Variants in VLDLR observed in about 807,000 individuals in gnomAD.
The protein encoded by VLDLR is very low density lipoprotein receptor.
Under a neutral mutation model 112.7 loss-of-function variants are expected in VLDLR, and 81 were observed. The ratio of observed to expected loss-of-function variants is 0.72; its 90% CI spans 0.60 to 0.86. The LOEUF is 0.86. Ranked by LOEUF, VLDLR falls within the 40% of genes least tolerant of loss-of-function variation. The probability of loss-of-function intolerance (pLI) is 0.00; values close to 1 mark genes in which losing one functional copy is unlikely to be tolerated. For missense variants in VLDLR, 1,237 were observed against 1,099.4 expected, an observed-to-expected ratio of 1.13 and a Z score of -1.77; for synonymous variants, 436 against 384.8, an observed-to-expected ratio of 1.13 and a Z score of -1.56.
intron 9 of VLDLR, 82 bp from the exon 10 acceptor site, chr9:2,645,492 G>T: frequency 6.7e-7 from 1 of 1,491,638 alleles, no homozygotes; most frequent in Non-Finnish European, 9.3e-7. Flanking sequence ...TTTTCTAAGT[G>T]CTCCTCTGCT....
At chr9:2,623,014 G>C (rs773225017) in intron 1 of VLDLR, among the ~76,000 whole-genome samples, 2 of 152,258 alleles carry the variant, frequency 1.3e-5, no homozygotes, top group East Asian at 3.9e-4. Flanking sequence ...AACGCGGAGG[G>C]GGAGTGGAGG....
intron 12 of VLDLR, 27 bp from the exon 13 acceptor site, chr9:2,648,181 T>G (rs1563763799): frequency 3.7e-6 from 6 of 1,613,384 alleles, no homozygotes; most frequent in Non-Finnish European, 5.1e-6. Flanking sequence ...TGGCTTGTCA[T>G]GTAATGACAA....
intron 14 of VLDLR, among the ~76,000 whole-genome samples, 187 bp from the exon 15 acceptor site, chr9:2,650,183 C>G (rs948878657): frequency 6.6e-6 from 1 of 152,094 alleles, no homozygotes; most frequent in African/African-American, 2.4e-5. Flanking sequence ...ATCTGGTGTC[C>G]TTAGAGCATG....
intron 1 of VLDLR, among the ~76,000 whole-genome samples, chr9:2,623,514 T>A (rs184691904): frequency 2.6e-4 from 39 of 152,334 alleles, no homozygotes; most frequent in Non-Finnish European, 8.8e-5. Context: ...AGAGCGAACT[T>A]TAAAGCATGT....
chr9:2,623,542 G>C (rs34039148), intron 1 of VLDLR, among the ~76,000 whole-genome samples: 1 of 152,240 alleles, frequency 6.6e-6, no homozygotes, highest in Non-Finnish European at 1.5e-5. Context: ...GAGCCTGTCG[G>C]GCAGCGCCTG....
chr9:2,622,854 T>G (rs1228878724), intron 1 of VLDLR, among the ~76,000 whole-genome samples: 1 of 152,072 alleles, frequency 6.6e-6, no homozygotes, highest in Non-Finnish European at 1.5e-5. Context: ...GCACCCGGAC[T>G]GCGACTCCCC....
chr9:2,641,011 G>C (rs1015005536), intron 3 of VLDLR, among the ~76,000 whole-genome samples: 1 of 152,216 alleles, frequency 6.6e-6, no homozygotes, highest in Non-Finnish European at 1.5e-5. Context: ...TCATGTATTT[G>C]AGATTAGATG....
chr9:2,623,126 A>G (rs1350132162), intron 1 of VLDLR, among the ~76,000 whole-genome samples: 2 of 152,156 alleles, frequency 1.3e-5, no homozygotes, highest in African/African-American at 4.8e-5. Flanking sequence ...TTCATTCTAC[A>G]CAATAGCTCA....
chr9:2,639,415 C>T lies in VLDLR; in HGVS notation c.203-444C>T, dbSNP rs114536927. 4.4e-3 allele frequency among the ~76,000 whole-genome samples: 674 copies of T among 152,292 alleles called. 8 individuals are homozygous for T. Among genetic ancestry groups the T allele is most frequent in the African/African-American group, 0.016 (649 of 41,576 alleles). On this transcript the variant is annotated intron_variant, in intron 2 of 18. Transcript: ENST00000382100. ...CATGTTAGGGGTTAGGATTTCCACACGTGAATTCTGGGTGGAGACAAACAT... is the reference window on the plus strand; with the variant it reads ...CATGTTAGGGGTTAGGATTTCCACATGTGAATTCTGGGTGGAGACAAACAT...
At chr9:2,645,188 G>T in intron 9 of VLDLR, 106 bp downstream of exon 9, 1 of 1,532,786 alleles carries the variant, frequency 6.5e-7, no homozygotes, top group Admixed American at 1.7e-5. Flanking sequence ...AATTGTACTT[G>T]AGAACAATGC....
At position 2,659,134 on chromosome 9, in the gene VLDLR, G is replaced by T. The variant is rs549849553; in HGVS notation, c.*5266G>T. Reference sequence around the variant, plus strand: ...TTTTGTACTAAGTAAGTGCTCCCAAGTCTTTTACTTGCTCTTCACAGCAAC... The same window carrying T: ...TTTTGTACTAAGTAAGTGCTCCCAATTCTTTTACTTGCTCTTCACAGCAAC... On this transcript the variant is annotated 3_prime_UTR_variant, in exon 19 of 19. Transcript: ENST00000382100. 9.2e-5 allele frequency: 14 copies of T among 152,270 alleles called. No homozygotes were observed. The highest frequency in any genetic ancestry group is 3.4e-4 in the African/African-American group (14 of 41,548). 9.4% of individuals were successfully genotyped at this position (152,270 alleles called of 1,614,324 possible).
chr9:2,635,943 G>A (rs1817585199), intron 2 of VLDLR, among the ~76,000 whole-genome samples: 1 of 134,872 alleles, frequency 7.4e-6, no homozygotes, highest in African/African-American at 2.8e-5. Context: ...GGCAAGCCAT[G>A]GACATGAGAA....
intron 14 of VLDLR, among the ~76,000 whole-genome samples, chr9:2,650,012 C>G (rs149998821): frequency 6.6e-6 from 1 of 152,188 alleles, no homozygotes; most frequent in Non-Finnish European, 1.5e-5. Context: ...CAAGAGAAAA[C>G]CAGGAGAACA....
chr9:2,641,630 C>T (rs1817829314), intron 4 of VLDLR, 131 bp downstream of exon 4: 1 of 1,340,158 alleles, frequency 7.5e-7, no homozygotes, highest in African/African-American at 1.5e-5. Context: ...ACTATCTGCT[C>T]AATTACTTGT....
At chr9:2,623,682 C>T (rs1265556770) in intron 1 of VLDLR, among the ~76,000 whole-genome samples, 1 of 152,142 alleles carries the variant, frequency 6.6e-6, no homozygotes, top group African/African-American at 2.4e-5. Flanking sequence ...CACATGGTTC[C>T]GCGGACTCTT....
At chr9:2,622,410 C>T in intron 1 of VLDLR, 139 bp downstream of exon 1, 1 of 732,416 alleles carries the variant, frequency 1.4e-6, no homozygotes, top group East Asian at 3.4e-5. Context: ...CCCTCCCCTC[C>T]GTGGTGGCGC....
intron 11 of VLDLR, among the ~76,000 whole-genome samples, chr9:2,646,805 T>TTTGA (rs1355426399): frequency 1.3e-5 from 2 of 152,190 alleles, no homozygotes; most frequent in Non-Finnish European, 2.9e-5. Context: ...ACATTCCTGA[T>TTTGA]TTGATGTGTG....
intron 11 of VLDLR, among the ~76,000 whole-genome samples, 165 bp downstream of exon 11, chr9:2,646,717 T>C (rs1818093082): frequency 1.3e-5 from 2 of 152,240 alleles, no homozygotes; most frequent in Non-Finnish European, 2.9e-5. Flanking sequence ...TGAGTGACCC[T>C]GGGATGTCCT....
chr9:2,644,072 T>C, intron 7 of VLDLR, 113 bp downstream of exon 7: 1 of 1,506,244 alleles, frequency 6.6e-7, no homozygotes, highest in Non-Finnish European at 9.1e-7. Flanking sequence ...TGTACTGAAG[T>C]TCAATTGTAG....
Sources: gnomAD v4.1 joint callset for allele counts (sites outside exome capture counted in the v4.1 genomes callset) on GRCh38, gnomAD v4.1.1 for gene constraint, MANE v1.5 for transcripts, NCBI Gene and HGNC (gene_info 2026-07-23, HGNC 2026-07-21) for gene names.